KNTC1: variants seen among roughly 807,000 people sequenced by gnomAD.
KNTC1 encodes the protein kinetochore-associated protein 1.
A neutral mutation model predicts 314.4 loss-of-function variants in KNTC1; 253 were observed. That is an observed-to-expected ratio of 0.80 (90% confidence interval 0.73 to 0.89). KNTC1 has a LOEUF of 0.89. Among genes scored for constraint, KNTC1 ranks in the 40% least tolerant of loss-of-function variants. The pLI is 0.00. For missense variants in KNTC1, 2,475 were observed against 2,572.9 expected (o/e 0.96, Z 0.82); for synonymous variants, 901 against 901.4 (o/e 1.00, Z 0.01).
At chr12:122,603,958 G>A (rs1398190173) in intron 48 of KNTC1, among the ~76,000 whole-genome samples, 3 of 152,104 alleles carry the variant, frequency 2.0e-5, no homozygotes, top group Non-Finnish European at 4.4e-5. Context: ...TTCATAGAAC[G>A]AAATATTATG....
chr12:122,610,983 C>A, intron 53 of KNTC1, 83 bp downstream of exon 53: 1 of 954,068 alleles, frequency 1.0e-6, no homozygotes. Flanking sequence ...TGCTTGATTG[C>A]ATTAACAGAT....
Position 122,546,692 on chromosome 12 carries a change from C to G in KNTC1, c.816+18C>G, listed in dbSNP as rs1962794002. The G allele has an allele frequency of 2.7e-6, 4 of 1,495,658 alleles. No homozygotes were observed. Among genetic ancestry groups the G allele is most frequent in the Non-Finnish European group, 3.7e-6 (4 of 1,092,430 alleles). 92.6% of individuals were successfully genotyped at this position (1,495,658 alleles called of 1,614,324 possible). On this transcript the variant is annotated intron_variant, in intron 10 of 63. Transcript: ENST00000333479. ...ATACTGATGTATGTTTCTTGTTTCT[C>G]CTTCAATGTTTTTACTTGATATGTT...
Position 122,618,518 on chromosome 12 carries a change from G to A in KNTC1, c.6122G>A (p.Cys2041Tyr). Reference protein sequence around the residue: ...CPLSPDQLSDCSESLIAVLEC... With the variant: ...CPLSPDQLSDYSESLIAVLEC... ...TTAAGTCCTGATCAGCTGTCAGATT[G>A]TTCTGAGAGTCTCATCGCTGTCCTC... Residue 2041 changes from cysteine (C) to tyrosine (Y), a missense_variant, in exon 59 of 64, where the codon TGT (cysteine) becomes TAT (tyrosine). By Grantham distance (194) the Cys-to-Tyr change is radical. Coordinates refer to ENST00000333479, the MANE Select transcript of KNTC1 (RefSeq NM_014708.6). The A allele has an allele frequency of 6.2e-7, 1 of 1,607,182 alleles. No homozygotes were observed. The highest frequency in any genetic ancestry group is 8.5e-7 in the Non-Finnish European group (1 of 1,178,562).
In KNTC1 at chr12:122,590,727, A is replaced by C; in HGVS notation, c.4120A>C (p.Lys1374Gln). Residue 1374 changes from lysine to glutamine, a missense_variant, in exon 41 of 64, where the codon AAA becomes CAA. Physicochemically the swap from Lys to Gln is moderately conservative, Grantham distance 53 (BLOSUM62 1). Coordinates refer to ENST00000333479, the MANE Select transcript of KNTC1 (RefSeq NM_014708.6). Reference sequence around the variant, plus strand: ...AGATAAAGCATGGCAGAATTACGACAAAATCTTGGTATGTCCTAAGGAAGC... The same window carrying C: ...AGATAAAGCATGGCAGAATTACGACCAAATCTTGGTATGTCCTAAGGAAGC... ...LIDKAWQNYDKILAISLVGSE... is the reference protein window; with the variant it reads ...LIDKAWQNYDQILAISLVGSE... The C allele has an allele frequency of 6.2e-7, 1 of 1,613,046 alleles. No individual in the cohort carries two copies. The highest frequency in any genetic ancestry group is 8.5e-7 in the Non-Finnish European group (1 of 1,179,372).
At chr12:122,564,558 T>TA (rs1006958447) in intron 20 of KNTC1, among the ~76,000 whole-genome samples, 32 of 152,118 alleles carry the variant, frequency 2.1e-4, no homozygotes, top group African/African-American at 7.5e-4. Flanking sequence ...GGATACCTGG[T>TA]ATCCTCCCTG....
Position 122,557,467 on chromosome 12 carries a change from A to G in KNTC1, c.1356A>G (p.Gln452=), listed in dbSNP as rs1281854141. The G allele has an allele frequency of 6.2e-7, 1 of 1,613,884 alleles. No individual in the cohort carries two copies. Among genetic ancestry groups the G allele is most frequent in the Admixed American group, 1.7e-5 (1 of 60,008 alleles). The change falls in exon 17 of 64, where the codon CAA becomes CAG. Residue 452 remains glutamine (Q), a synonymous_variant. Transcript: ENST00000333479. Reference sequence around the variant, plus strand: ...ATGCCAGTGAACAGACCGAATGGCAACAACTTGTAGACGACGCTAAGGAAA... The same window carrying G: ...ATGCCAGTGAACAGACCGAATGGCAGCAACTTGTAGACGACGCTAAGGAAA... ...SVDASEQTEW[Q]QLVDDAKENL...
intron 51 of KNTC1, among the ~76,000 whole-genome samples, 176 bp downstream of exon 51, chr12:122,605,591 G>T (rs952806254): frequency 7.0e-4 from 106 of 152,182 alleles, no homozygotes; most frequent in African/African-American, 2.4e-3. Flanking sequence ...TGTTGCCCAG[G>T]CTGGAGTGTA....
chr12:122,542,230 C>T, intron 6 of KNTC1, 103 bp downstream of exon 6: 1 of 767,540 alleles, frequency 1.3e-6, no homozygotes, highest in Non-Finnish European at 2.0e-6. Flanking sequence ...CTTATTTTAT[C>T]TTACTTGTAT....
chr12:122,585,130 G>A, intron 36 of KNTC1, 140 bp downstream of exon 36: 1 of 602,236 alleles, frequency 1.7e-6, no homozygotes, highest in Non-Finnish European at 2.9e-6. Context: ...CTTGAACTGG[G>A]CTTAAGCAGT....
At chr12:122,584,843 C>A in intron 35 of KNTC1, 50 bp from the exon 36 acceptor site, 1 of 954,680 alleles carries the variant, frequency 1.0e-6, no homozygotes, top group Non-Finnish European at 1.7e-6. Context: ...TTTTCATTAT[C>A]CTAAAGACAT....
At chr12:122,613,830 G>A in intron 55 of KNTC1, 69 bp downstream of exon 55, 1 of 1,455,770 alleles carries the variant, frequency 6.9e-7, no homozygotes, top group Middle Eastern at 1.8e-4. Flanking sequence ...AGAAAACCAG[G>A]AACAGTCTTT....
intron 62 of KNTC1, among the ~76,000 whole-genome samples, chr12:122,623,861 G>A (rs1363751024): frequency 6.6e-6 from 1 of 152,158 alleles, no homozygotes; most frequent in Admixed American, 6.5e-5. Flanking sequence ...GAGGTTAGGA[G>A]TTCAAGACCA....
intron 24 of KNTC1, 26 bp downstream of exon 24, chr12:122,571,152 T>C (rs966948241): frequency 1.4e-5 from 21 of 1,519,138 alleles, no homozygotes; most frequent in Non-Finnish European, 1.6e-5. Flanking sequence ...GGATTTTTAG[T>C]AATGAAACAG....
intron 50 of KNTC1, 104 bp from the exon 51 acceptor site, chr12:122,605,202 T>TACTTAC: frequency 9.4e-7 from 1 of 1,062,508 alleles, no homozygotes; most frequent in Non-Finnish European, 1.4e-6. Flanking sequence ...TATATGTATA[T>TACTTAC]ACTTATATGT....
At chr12:122,546,458 G>C (rs1962773711) in intron 9 of KNTC1, among the ~76,000 whole-genome samples, 164 bp from the exon 10 acceptor site, 1 of 152,118 alleles carries the variant, frequency 6.6e-6, no homozygotes, top group Non-Finnish European at 1.5e-5. Flanking sequence ...ATTTTGGGAG[G>C]TTTTACATTT....
chr12:122,614,365 A>G (rs1873527012), intron 55 of KNTC1, among the ~76,000 whole-genome samples: 1 of 152,034 alleles, frequency 6.6e-6, no homozygotes, highest in African/African-American at 2.4e-5. Flanking sequence ...AGAGGATGTC[A>G]TTTCTCTTCC....
chr12:122,547,674 T>G, intron 11 of KNTC1, 144 bp downstream of exon 11: 1 of 659,342 alleles, frequency 1.5e-6, no homozygotes, highest in Non-Finnish European at 2.6e-6. Flanking sequence ...TTTGCAAAAT[T>G]CACTGGGAAC....
chr12:122,572,982 G>A lies in KNTC1; in HGVS notation c.2065G>A (p.Val689Ile), dbSNP rs1483594859. The A allele has an allele frequency of 6.2e-7, 1 of 1,606,060 alleles. No individual in the cohort carries two copies. ...TEEVCQLRTLVNNLRELITLH... is the reference protein window; with the variant it reads ...TEEVCQLRTLINNLRELITLH... ...GGAAGTATGTCAGCTAAGGACTTTG[G>A]TAAATAACTTGCGAGAGTTGATCAC... is the stretch of plus-strand genomic sequence containing the variant. Residue 689 changes from valine to isoleucine, a missense_variant, in exon 25 of 64, where the codon GTA becomes ATA. Transcript: ENST00000333479.
chr12:122,590,516 C>T, intron 40 of KNTC1, 91 bp from the exon 41 acceptor site: 43 of 1,190,486 alleles, frequency 3.6e-5, no homozygotes, highest in East Asian at 1.6e-4. Context: ...TAAAATTATT[C>T]CTCTTTATTT....
Sources: allele counts gnomAD v4.1 joint callset (sites outside exome capture counted in the v4.1 genomes callset), GRCh38; gene constraint gnomAD v4.1.1; transcripts MANE v1.5; gene names NCBI Gene and HGNC (gene_info 2026-07-23, HGNC 2026-07-21).